The following COL4A3 variants were observed in gnomAD, a reference collection of about 807,000 sequenced individuals.
COL4A3 encodes collagen alpha-3(IV) chain.
Under a neutral mutation model 217.4 loss-of-function variants are expected in COL4A3, and 135 were observed. The observed-to-expected ratio is 0.62, with a 90% confidence interval of 0.54 to 0.72. The LOEUF is 0.72. Ranked by LOEUF, COL4A3 falls within the 30% of genes least tolerant of loss-of-function variation. The pLI, the probability that COL4A3 is intolerant of heterozygous loss-of-function variation, is 0.00. For missense variants in COL4A3, 1,868 were observed against 2,119.9 expected (o/e 0.88, Z 2.33); for synonymous variants, 690 against 736.3 (o/e 0.94, Z 1.02).
In COL4A3 at chr2:227,173,717, A is replaced by G. The variant is rs200571652; in HGVS notation, c.87+8904A>G. On this transcript the variant is annotated intron_variant, in intron 1 of 51. Coordinates refer to ENST00000396578, the MANE Select transcript of COL4A3 (RefSeq NM_000091.5). Reference sequence around the variant, plus strand: ...ATAGAGATGGATGAAACTAATTTTAATATGTTTTATTTATACCAATACATC... The same window carrying G: ...ATAGAGATGGATGAAACTAATTTTAGTATGTTTTATTTATACCAATACATC... Among the ~76,000 whole-genome samples the G allele has an allele frequency of 6.6e-5, 10 of 152,252 alleles. No individual in the cohort carries two copies. In the East Asian group the frequency reaches 1.5e-3, roughly 23 times the overall value.
chr2:227,184,746 TCATACCCGAAC>T lies in COL4A3; in HGVS notation c.87+19936_87+19946del, dbSNP rs1336577511. ...AACAAAATTTGATTATGCTTAAAGT[TCATACCCGAAC>T]CAGATAAACCAAATAGAGCATTTTA... On this transcript the variant is annotated intron_variant, in intron 1 of 51. Coordinates refer to ENST00000396578, the MANE Select transcript of COL4A3 (RefSeq NM_000091.5). 9.2e-5 allele frequency among the ~76,000 whole-genome samples: 14 copies of T among 152,266 alleles called. No individual in the cohort carries two copies. The East Asian group carries it at 2.5e-3, about 27-fold the overall frequency.
chr2:227,172,507 CCTT>C (rs112442217), intron 1 of COL4A3, among the ~76,000 whole-genome samples: 1 of 150,950 alleles, frequency 6.6e-6, no homozygotes, highest in Non-Finnish European at 1.5e-5. Context: ...TTCTCCTTCT[CCTT>C]CTTCTTCGTC....
In COL4A3 at chr2:227,309,511, G is replaced by A. The variant is rs79118782; in HGVS notation, c.4755+193G>A. On this transcript the variant is annotated intron_variant, in intron 50 of 51. Transcript: ENST00000396578. ...TGGTAAATAATGGAGTACTAAAAAA[G>A]ACTTCTCAGGAGGAGATTACCTACA... 0.11 allele frequency among the ~76,000 whole-genome samples: 16,858 copies of A among 151,904 alleles called. 1,078 individuals are homozygous for A. The highest frequency in any genetic ancestry group is 0.15 in the Non-Finnish European group (10,236 of 67,938).
At chr2:227,232,205 G>A (rs11691091) in intron 1 of COL4A3, among the ~76,000 whole-genome samples, 20,335 of 152,030 alleles carry the variant, frequency 0.13, 1,658 homozygotes, top group South Asian at 0.35. Context: ...TTATCCATTC[G>A]TCTGTTGATG....
chr2:227,310,870 A>G lies in COL4A3; in HGVS notation c.4850A>G (p.His1617Arg). 6.2e-7 allele frequency: 1 copy of G among 1,614,160 alleles called. No individual in the cohort carries two copies. Residue 1617 changes from histidine (H) to arginine (R), a missense_variant, in exon 51 of 52, where the codon CAT becomes CGT. Physicochemically the swap from His to Arg is conservative, Grantham distance 29. Coordinates refer to ENST00000396578, the MANE Select transcript of COL4A3 (RefSeq NM_000091.5). ...EFRASPFLEC[H>R]GRGTCNYYSN... Reference sequence around the variant, plus strand: ...CGAGCCAGCCCATTTCTAGAATGTCATGGAAGAGGAACGTGCAACTACTAT... The same window carrying G: ...CGAGCCAGCCCATTTCTAGAATGTCGTGGAAGAGGAACGTGCAACTACTAT...
chr2:227,279,875 C>A lies in COL4A3; in HGVS notation c.2208C>A (p.Gly736=). 6.2e-7 allele frequency: 1 copy of A among 1,606,256 alleles called. No individual in the cohort carries two copies. The highest frequency in any genetic ancestry group is 8.5e-7 in the Non-Finnish European group (1 of 1,176,198). The part of the protein sequence containing the change: ...MGEPGLPGKP[G]LPGAKGEPAV... ...AGCCTGGGTTACCTGGAAAGCCAGGCCTCCCAGGAGCCAAGGTATGCAAAA... is the reference window on the plus strand; with the variant it reads ...AGCCTGGGTTACCTGGAAAGCCAGGACTCCCAGGAGCCAAGGTATGCAAAA... The change falls in exon 29 of 52, where the codon GGC becomes GGA. Residue 736 remains glycine, a synonymous_variant. Transcript: ENST00000396578.
chr2:227,222,632 C>A (rs2067872537), intron 1 of COL4A3: 1 of 152,184 alleles, frequency 6.6e-6, no homozygotes, highest in Non-Finnish European at 1.5e-5. Flanking sequence ...AATGAGGGAG[C>A]AACTAACCAC....
chr2:227,182,135 T>A (rs1336630906), intron 1 of COL4A3, among the ~76,000 whole-genome samples: 1 of 152,214 alleles, frequency 6.6e-6, no homozygotes, highest in Non-Finnish European at 1.5e-5. Context: ...TTGTCTCAGC[T>A]CTTACCAAAA....
chr2:227,256,500 C>T (rs1207160075), intron 17 of COL4A3, 104 bp downstream of exon 17: 1 of 948,566 alleles, frequency 1.1e-6, no homozygotes, highest in Non-Finnish European at 1.7e-6. Flanking sequence ...CAATAACAGA[C>T]TTCATTCAAA....
intron 1 of COL4A3, among the ~76,000 whole-genome samples, chr2:227,179,344 A>G (rs1369043928): frequency 6.6e-6 from 1 of 152,220 alleles, no homozygotes; most frequent in East Asian, 1.9e-4. Context: ...AATATATGAG[A>G]TAAATTTGAG....
intron 1 of COL4A3, among the ~76,000 whole-genome samples, chr2:227,180,149 G>A (rs1254556658): frequency 6.6e-6 from 1 of 152,132 alleles, no homozygotes; most frequent in Non-Finnish European, 1.5e-5. Flanking sequence ...AGTGCTTCAA[G>A]GTTTACAGAC....
intron 47 of COL4A3, among the ~76,000 whole-genome samples, chr2:227,307,437 C>T (rs997617111): frequency 6.6e-6 from 1 of 152,138 alleles, no homozygotes; most frequent in Non-Finnish European, 1.5e-5. Flanking sequence ...GCAGGCAGGC[C>T]ACTGTGCCAG....
chr2:227,309,402 G>C, intron 50 of COL4A3, 84 bp downstream of exon 50: 1 of 1,030,516 alleles, frequency 9.7e-7, no homozygotes, highest in African/African-American at 1.6e-5. Context: ...GATTCCCAGG[G>C]TCGATGCTGC....
rs56231260 is a variant in COL4A3 at position 227,293,033 on chromosome 2, G to T, written c.3211-158G>T. ...TGCACTGGGCCCCATAAACCATGTGGCCGTCTTATTCCCAGCACCTATCAC... is the reference window on the plus strand; with the variant it reads ...TGCACTGGGCCCCATAAACCATGTGTCCGTCTTATTCCCAGCACCTATCAC... On this transcript the variant is annotated intron_variant, in intron 37 of 51. Transcript: ENST00000396578. 0.026 allele frequency: 11,595 copies of T among 447,010 alleles called. 234 individuals carry two copies. Among genetic ancestry groups the T allele is most frequent in the African/African-American group, 0.077 (3,629 of 46,898 alleles). 27.7% of individuals were successfully genotyped at this position (447,010 alleles called of 1,614,324 possible).
At chr2:227,298,499 C>G (rs2073132747) in intron 42 of COL4A3, among the ~76,000 whole-genome samples, 183 bp from the exon 43 acceptor site, 1 of 152,186 alleles carries the variant, frequency 6.6e-6, no homozygotes, top group Admixed American at 6.5e-5. Context: ...CTGGTGGGTG[C>G]CAGGTGCTTC....
intron 1 of COL4A3, among the ~76,000 whole-genome samples, chr2:227,197,562 T>G (rs941023737): frequency 1.3e-5 from 2 of 152,228 alleles, no homozygotes; most frequent in Admixed American, 6.5e-5. Flanking sequence ...CCAAGTAGTA[T>G]TATTCCAGAA....
chr2:227,219,492 T>C (rs2067672840), intron 1 of COL4A3, among the ~76,000 whole-genome samples: 1 of 152,244 alleles, frequency 6.6e-6, no homozygotes, highest in Admixed American at 6.5e-5. Context: ...GTCTATCTGC[T>C]TCTAAGATTT....
In COL4A3 at chr2:227,311,671, C is replaced by G. The variant is rs2073746478; in HGVS notation, c.4929-115C>G. 14 of 1,024,494 alleles carry G rather than the reference C, an allele frequency of 1.4e-5. No individual in the cohort carries two copies. The South Asian group carries it at 1.9e-4, about 14-fold the overall frequency. 63.5% of individuals were successfully genotyped at this position (1,024,494 alleles called of 1,614,324 possible). A position where few individuals can be genotyped will look rare whatever the true frequency, so the allele number is the denominator to read the frequency against. ...GGGATTACAGGCGTGAGCCACCACG[C>G]CCGACCCTGTAATAAATTTCAAAAT... is the stretch of plus-strand genomic sequence containing the variant. On this transcript the variant is annotated intron_variant, in intron 51 of 51. Coordinates refer to ENST00000396578, the MANE Select transcript of COL4A3 (RefSeq NM_000091.5).
chr2:227,215,942 T>G (rs563681109), intron 1 of COL4A3, among the ~76,000 whole-genome samples: 58 of 152,258 alleles, frequency 3.8e-4, no homozygotes, highest in African/African-American at 1.4e-3. Flanking sequence ...AGATGAACCT[T>G]GAGTTCCTTA....
Sources: gnomAD v4.1 joint callset for allele counts (sites outside exome capture counted in the v4.1 genomes callset) on GRCh38, gnomAD v4.1.1 for gene constraint, MANE v1.5 for transcripts, NCBI Gene and HGNC (gene_info 2026-07-23, HGNC 2026-07-21) for gene names.